The following KCNIP1 variants were observed in gnomAD, a reference collection of about 807,000 sequenced individuals.
KCNIP1 encodes A-type potassium channel modulatory protein KCNIP1.
Under a neutral mutation model 33.0 loss-of-function variants are expected in KCNIP1, and 18 were observed. That is an observed-to-expected ratio of 0.55 (90% CI 0.38 to 0.81). KCNIP1 has a LOEUF of 0.81. KCNIP1 is among the 30% of genes least tolerant of loss of function. The pLI is 0.00. For synonymous variants in KCNIP1, 93 were observed against 98.3 expected, an observed-to-expected ratio of 0.95 and a Z score of 0.32; for missense variants, 238 against 271.6, an observed-to-expected ratio of 0.88 and a Z score of 0.87.
chr5:170,368,692 C>T (rs188355618), intron 1 of KCNIP1, among the ~76,000 whole-genome samples: 30 of 152,352 alleles, frequency 2.0e-4, no homozygotes, highest in African/African-American at 5.8e-4. Context: ...AGTATGGGAA[C>T]GCATGAAAGT....
intron 1 of KCNIP1, among the ~76,000 whole-genome samples, chr5:170,387,010 G>A (rs2113350427): frequency 6.6e-6 from 1 of 152,238 alleles, no homozygotes; most frequent in Non-Finnish European, 1.5e-5. Context: ...GCCGCCTGGA[G>A]CCACAGAGAT....
intron 1 of KCNIP1, among the ~76,000 whole-genome samples, chr5:170,441,093 A>G (rs1755977648): frequency 6.6e-6 from 1 of 152,204 alleles, no homozygotes; most frequent in African/African-American, 2.4e-5. Flanking sequence ...CAGGTGTGTA[A>G]GAAACATGGC....
At chr5:170,425,710 G>A (rs766111944) in intron 1 of KCNIP1, among the ~76,000 whole-genome samples, 9 of 152,210 alleles carry the variant, frequency 5.9e-5, no homozygotes, top group Non-Finnish European at 1.2e-4. Context: ...CTCTGCCACG[G>A]AAGCCTCTGT....
At chr5:170,467,793 C>T (rs982873914) in intron 1 of KCNIP1, among the ~76,000 whole-genome samples, 5 of 151,844 alleles carry the variant, frequency 3.3e-5, no homozygotes, top group African/African-American at 1.2e-4. Flanking sequence ...TGGCGCCTGT[C>T]TGTAGTCCCA....
chr5:170,445,886 C>T (rs1283256878), intron 1 of KCNIP1, among the ~76,000 whole-genome samples: 2 of 152,218 alleles, frequency 1.3e-5, no homozygotes, highest in African/African-American at 4.8e-5. Context: ...CCTAATTCAT[C>T]ACTGCACACT....
At chr5:170,588,345 C>T (rs74688472) in intron 1 of KCNIP1, among the ~76,000 whole-genome samples, 8 of 152,260 alleles carry the variant, frequency 5.3e-5, no homozygotes, top group Non-Finnish European at 1.2e-4. Context: ...TCAGCTGCCT[C>T]GCATCAGGGC....
At chr5:170,481,363 A>G (rs1193496875) in intron 1 of KCNIP1, among the ~76,000 whole-genome samples, 1 of 151,902 alleles carries the variant, frequency 6.6e-6, no homozygotes, top group Non-Finnish European at 1.5e-5. Context: ...TTAGGGGTAC[A>G]GGAGAGTTGT....
chr5:170,381,819 T>C (rs975170257), intron 1 of KCNIP1, among the ~76,000 whole-genome samples: 1 of 152,174 alleles, frequency 6.6e-6, no homozygotes, highest in African/African-American at 2.4e-5. Flanking sequence ...AATTTGTTTC[T>C]TGCATTGGGA....
chr5:170,462,992 G>A (rs142086400), intron 1 of KCNIP1, among the ~76,000 whole-genome samples: 1 of 152,096 alleles, frequency 6.6e-6, no homozygotes, highest in African/African-American at 2.4e-5. Context: ...AGTGGATGAG[G>A]GATAAAAGAC....
At chr5:170,702,805 A>T (rs59937184) in intron 1 of KCNIP1, among the ~76,000 whole-genome samples, 9,010 of 151,816 alleles carry the variant, frequency 0.059, 706 homozygotes, top group African/African-American at 0.18. Context: ...AGGAACAATA[A>T]TTAGCTAATA....
intron 1 of KCNIP1, among the ~76,000 whole-genome samples, chr5:170,523,903 C>T (rs1755469408): frequency 6.6e-6 from 1 of 152,202 alleles, no homozygotes; most frequent in African/African-American, 2.4e-5. Context: ...GGAGTCCTAA[C>T]CTGCTAGTCC....
intron 1 of KCNIP1, chr5:170,383,492 G>A (rs370025912): frequency 9.0e-6 from 6 of 669,100 alleles, no homozygotes; most frequent in Middle Eastern, 3.5e-4. Context: ...CCAGTTAGCG[G>A]CAGATTCAAA....
intron 1 of KCNIP1, among the ~76,000 whole-genome samples, chr5:170,506,105 C>T (rs1208459781): frequency 6.6e-6 from 1 of 152,154 alleles, no homozygotes; most frequent in African/African-American, 2.4e-5. Context: ...TCTCAGAGGC[C>T]AGGGGACTGT....
chr5:170,540,413 G>A (rs930221404), intron 1 of KCNIP1, among the ~76,000 whole-genome samples: 1 of 152,210 alleles, frequency 6.6e-6, no homozygotes, highest in African/African-American at 2.4e-5. Context: ...GTCAGACAAT[G>A]AGCCTCGTGA....
intron 1 of KCNIP1, among the ~76,000 whole-genome samples, chr5:170,523,195 A>T (rs1755430628): frequency 6.6e-6 from 1 of 152,174 alleles, no homozygotes; most frequent in Non-Finnish European, 1.5e-5. Context: ...CCACCGGAAG[A>T]GACAGTCTGA....
Position 170,405,133 on chromosome 5 carries a change from T to C in KCNIP1, c.88+51169T>C, listed in dbSNP as rs570714015. Among the ~76,000 whole-genome samples the C allele has an allele frequency of 2.0e-5, 3 of 152,260 alleles. No individual in the cohort carries two copies. The South Asian group carries it at 6.2e-4, about 32-fold the overall frequency. ...AAAGAAATATGGATTAAATAATACA[T>C]ATGCCAAATTGCCCTGCAAAATTAT... On this transcript the variant is annotated intron_variant, in intron 1 of 7. Coordinates refer to the KCNIP1 transcript ENST00000377360.
intron 1 of KCNIP1, among the ~76,000 whole-genome samples, chr5:170,668,491 AT>A: frequency 6.6e-6 from 1 of 152,184 alleles, no homozygotes; most frequent in East Asian, 1.9e-4. Flanking sequence ...TTCCAGCACC[AT>A]GTCAGCCCTA....
intron 1 of KCNIP1, among the ~76,000 whole-genome samples, chr5:170,683,204 G>A (rs987221576): frequency 2.0e-5 from 3 of 152,156 alleles, no homozygotes; most frequent in Non-Finnish European, 4.4e-5. Context: ...CCTACAATGT[G>A]CCAGGTACAG....
At chr5:170,726,496 G>A (rs987140337) in intron 5 of KCNIP1, among the ~76,000 whole-genome samples, 3 of 152,138 alleles carry the variant, frequency 2.0e-5, no homozygotes, top group East Asian at 1.9e-4. Context: ...AAGATGTGGA[G>A]CAATAGAAAC....
Sources: gnomAD v4.1 joint callset for allele counts (sites outside exome capture counted in the v4.1 genomes callset) on GRCh38, gnomAD v4.1.1 for gene constraint, MANE v1.5 for transcripts, NCBI Gene and HGNC (gene_info 2026-07-23, HGNC 2026-07-21) for gene names.